Variants in TENT2 observed in about 807,000 individuals in gnomAD.
TENT2 encodes the protein poly(A) RNA polymerase GLD2.
Under a neutral mutation model 72.2 loss-of-function variants are expected in TENT2, and 44 were observed. That is an observed-to-expected ratio of 0.61 (90% CI 0.48 to 0.78). The LOEUF is 0.78. TENT2 is among the 30% of genes least tolerant of loss of function. The pLI is 0.00. For missense variants in TENT2, 541 were observed against 569.6 expected (o/e 0.95, Z 0.51); for synonymous variants, 212 against 192.5 (o/e 1.10, Z -0.84).
At chr5:79,656,598 C>T (rs923130397) in intron 10 of TENT2, among the ~76,000 whole-genome samples, 1 of 151,950 alleles carries the variant, frequency 6.6e-6, no homozygotes, top group Non-Finnish European at 1.5e-5. Flanking sequence ...CTACATCCAT[C>T]TTAATAATGT....
intron 10 of TENT2, among the ~76,000 whole-genome samples, chr5:79,650,230 T>G (rs952026364): frequency 2.6e-5 from 4 of 152,148 alleles, no homozygotes; most frequent in Admixed American, 6.6e-5. Context: ...TCTATGAATA[T>G]GTATAGAATA....
chr5:79,625,215 T>C (rs1768510507), intron 4 of TENT2, among the ~76,000 whole-genome samples: 1 of 152,234 alleles, frequency 6.6e-6, no homozygotes, highest in Non-Finnish European at 1.5e-5. Flanking sequence ...AAATGTCTAT[T>C]CATCTAGATC....
At chr5:79,680,058 G>A (rs1820503273) in intron 13 of TENT2, among the ~76,000 whole-genome samples, 2 of 152,072 alleles carry the variant, frequency 1.3e-5, no homozygotes, top group South Asian at 4.1e-4. Flanking sequence ...AGAAATTGAT[G>A]TTGCTTTAAA....
At chr5:79,684,497 C>G (rs1230299429) in intron 14 of TENT2, among the ~76,000 whole-genome samples, 1 of 152,196 alleles carries the variant, frequency 6.6e-6, no homozygotes, top group Non-Finnish European at 1.5e-5. Flanking sequence ...CTCAAGTGAT[C>G]TGCCCACCTC....
chr5:79,635,013 A>G (rs1778944413), intron 4 of TENT2, among the ~76,000 whole-genome samples: 1 of 152,154 alleles, frequency 6.6e-6, no homozygotes, highest in African/African-American at 2.4e-5. Context: ...AAAAATTAGG[A>G]AAAATTTACC....
At chr5:79,637,512 G>A (rs901020915) in intron 4 of TENT2, among the ~76,000 whole-genome samples, 7 of 151,306 alleles carry the variant, frequency 4.6e-5, no homozygotes, top group Non-Finnish European at 7.4e-5. Context: ...CTGCAACCTC[G>A]ACCTCCCAGG....
intron 4 of TENT2, among the ~76,000 whole-genome samples, chr5:79,632,233 A>G (rs1776135207): frequency 1.3e-5 from 2 of 152,184 alleles, no homozygotes; most frequent in Admixed American, 1.3e-4. Flanking sequence ...CTCCAGGGAA[A>G]GATTTTGTTA....
intron 4 of TENT2, among the ~76,000 whole-genome samples, chr5:79,628,608 T>G (rs1029659266): frequency 6.6e-6 from 1 of 152,188 alleles, no homozygotes; most frequent in Non-Finnish European, 1.5e-5. Context: ...GAAAGAGACA[T>G]GAATGACTTC....
chr5:79,679,498 G>C, intron 12 of TENT2, 81 bp from the exon 13 acceptor site: 1 of 893,768 alleles, frequency 1.1e-6, no homozygotes, highest in African/African-American at 1.7e-5. Context: ...AATTGGGGTA[G>C]GCCTTAGTAT....
At chr5:79,633,543 C>T (rs1168153126) in intron 4 of TENT2, among the ~76,000 whole-genome samples, 6 of 140,136 alleles carry the variant, frequency 4.3e-5, no homozygotes, top group Admixed American at 1.5e-4. Flanking sequence ...TGGGTTCAAA[C>T]GGTTCTGGGA....
At chr5:79,672,270 A>G (rs539730962) in intron 12 of TENT2, among the ~76,000 whole-genome samples, 1 of 152,330 alleles carries the variant, frequency 6.6e-6, no homozygotes, top group African/African-American at 2.4e-5. Flanking sequence ...CATCAGGGTA[A>G]ATGGGGTATC....
At chr5:79,625,409 C>T (rs866667969) in intron 4 of TENT2, among the ~76,000 whole-genome samples, 2 of 152,254 alleles carry the variant, frequency 1.3e-5, no homozygotes, top group African/African-American at 4.8e-5. Flanking sequence ...CATTTTGATG[C>T]AGTCCAGTTT....
At chr5:79,649,422 C>G (rs1204985716) in intron 10 of TENT2, among the ~76,000 whole-genome samples, 1 of 132,924 alleles carries the variant, frequency 7.5e-6, no homozygotes, top group Non-Finnish European at 1.5e-5. Flanking sequence ...TTTCTATAGT[C>G]ACTTTTGTTT....
At chr5:79,652,973 TA>T (rs1795294154) in intron 10 of TENT2, among the ~76,000 whole-genome samples, 1 of 151,974 alleles carries the variant, frequency 6.6e-6, no homozygotes, top group African/African-American at 2.4e-5. Flanking sequence ...ATATAAAATA[TA>T]AAAAATATGT....
intron 3 of TENT2, among the ~76,000 whole-genome samples, chr5:79,622,023 G>A (rs913975151): frequency 1.3e-5 from 2 of 151,972 alleles, no homozygotes; most frequent in South Asian, 4.2e-4. Flanking sequence ...TCTATGGGCC[G>A]GGTGCAGTGT....
Position 79,672,036 on chromosome 5 carries a change from G to C in TENT2, c.1208+3008G>C, listed in dbSNP as rs188838921. On this transcript the variant is annotated intron_variant, in intron 12 of 14. Transcript: ENST00000453514. ...AGGAATTGCTTGAACCAGGGAGGTG[G>C]GGGTTGCAGTGAGCTGAGATTGCTC... Among the ~76,000 whole-genome samples the C allele has an allele frequency of 6.6e-5, 10 of 151,990 alleles. No homozygotes were observed. In the East Asian group the frequency reaches 1.9e-3, roughly 30 times the overall value.
At chr5:79,616,678 T>G (rs968280595) in intron 1 of TENT2, among the ~76,000 whole-genome samples, 1 of 152,190 alleles carries the variant, frequency 6.6e-6, no homozygotes, top group Non-Finnish European at 1.5e-5. Flanking sequence ...TATTTCCATT[T>G]CCTCTGAAGA....
intron 10 of TENT2, among the ~76,000 whole-genome samples, chr5:79,655,746 GTT>G (rs551151075): frequency 4.2e-5 from 6 of 144,084 alleles, no homozygotes; most frequent in Admixed American, 6.9e-5. Context: ...TAATGATTGA[GTT>G]TTTTTTTTTT....
chr5:79,625,914 C>T lies in TENT2; in HGVS notation c.465+2425C>T, dbSNP rs187494983. Among the ~76,000 whole-genome samples the T allele has an allele frequency of 3.3e-5, 5 of 151,458 alleles. No homozygotes were observed. The East Asian group carries it at 9.8e-4, about 30-fold the overall frequency. On this transcript the variant is annotated intron_variant, in intron 4 of 14. Transcript: ENST00000453514. ...GTGCGATCTCGGCTCACTGAACCTC[C>T]ACCTCCCGGGTTCAAGCGATTCTCC... is the stretch of plus-strand genomic sequence containing the variant.
Sources: allele counts gnomAD v4.1 joint callset (sites outside exome capture counted in the v4.1 genomes callset), GRCh38; gene constraint gnomAD v4.1.1; transcripts MANE v1.5; gene names NCBI Gene and HGNC (gene_info 2026-07-23, HGNC 2026-07-21).